AKAP19: variants seen among roughly 807,000 people sequenced by gnomAD.
AKAP19 encodes A-kinase anchoring protein 19, also known as small A-kinase anchoring protein.
chr2:190,057,591 T>C, the AKAP19 span: 1 of 1,613,370 alleles, frequency 6.2e-7, no homozygotes. Context: ...CAAAATCCCT[T>C]CTGGATCTTT....
chr2:190,152,027 A>C, the AKAP19 span, among the ~76,000 whole-genome samples: 1 of 145,536 alleles, frequency 6.9e-6, no homozygotes, highest in Non-Finnish European at 1.5e-5. Flanking sequence ...AAAAAAAAAA[A>C]CAAAGAGAGG....
At chr2:190,049,310 T>C in the AKAP19 span, among the ~76,000 whole-genome samples, 1 of 152,130 alleles carries the variant, frequency 6.6e-6, no homozygotes, top group Non-Finnish European at 1.5e-5. Flanking sequence ...ATAACCTTAC[T>C]TAAAATAAGA....
chr2:190,201,305 T>C, the AKAP19 span: 1 of 166,882 alleles, frequency 6.0e-6, no homozygotes, highest in African/African-American at 2.4e-5. Context: ...TTAAGTACTG[T>C]TTGAAGATCA....
the AKAP19 span, chr2:190,062,340 G>A: frequency 6.2e-7 from 1 of 1,613,272 alleles, no homozygotes; most frequent in South Asian, 1.1e-5. Flanking sequence ...TTCCCGGAGT[G>A]GAGGAGCTTT....
chr2:189,942,681 A>T, the AKAP19 span, among the ~76,000 whole-genome samples: 20 of 152,246 alleles, frequency 1.3e-4, no homozygotes, highest in Non-Finnish European at 2.6e-4. Flanking sequence ...GATATGGACA[A>T]TGAAGTCCAG....
At chr2:190,130,032 A>G in the AKAP19 span, among the ~76,000 whole-genome samples, 1 of 152,210 alleles carries the variant, frequency 6.6e-6, no homozygotes, top group Non-Finnish European at 1.5e-5. Context: ...AAGATGTAGT[A>G]TGTTACAACA....
the AKAP19 span, among the ~76,000 whole-genome samples, chr2:190,049,817 ATG>A: frequency 6.6e-6 from 1 of 152,264 alleles, no homozygotes; most frequent in Non-Finnish European, 1.5e-5. Flanking sequence ...GTAGATAAAT[ATG>A]TGTATAGCAT....
the AKAP19 span, among the ~76,000 whole-genome samples, chr2:190,138,913 G>A: frequency 6.6e-6 from 1 of 152,208 alleles, no homozygotes; most frequent in African/African-American, 2.4e-5. Context: ...TAACCTTTAT[G>A]AGCCTCAATT....
the AKAP19 span, among the ~76,000 whole-genome samples, chr2:190,003,737 G>A: frequency 2.0e-5 from 3 of 151,924 alleles, no homozygotes; most frequent in East Asian, 1.9e-4. Flanking sequence ...GGTGGTACGC[G>A]TCTGTAATCC....
chr2:190,107,756 G>A, the AKAP19 span, among the ~76,000 whole-genome samples: 5 of 152,090 alleles, frequency 3.3e-5, no homozygotes, highest in South Asian at 2.1e-4. Context: ...GCAAAGAAAC[G>A]TAACTAGACA....
At chr2:189,906,164 G>A in the AKAP19 span, among the ~76,000 whole-genome samples, 5 of 152,040 alleles carry the variant, frequency 3.3e-5, no homozygotes, top group African/African-American at 9.7e-5. Flanking sequence ...TAGAAGGGAG[G>A]AAATTGATAT....
chr2:189,985,286 T>A, the AKAP19 span, among the ~76,000 whole-genome samples: 1 of 152,216 alleles, frequency 6.6e-6, no homozygotes, highest in East Asian at 1.9e-4. Flanking sequence ...GTTTGAGCTT[T>A]TTTTTCTGAG....
At chr2:189,899,295 G>C in the AKAP19 span, among the ~76,000 whole-genome samples, 1 of 152,168 alleles carries the variant, frequency 6.6e-6, no homozygotes, top group South Asian at 2.1e-4. Context: ...ATAGCTTAGT[G>C]ATAATGTCAC....
At chr2:190,088,036 C>T in the AKAP19 span, among the ~76,000 whole-genome samples, 1 of 152,078 alleles carries the variant, frequency 6.6e-6, no homozygotes, top group Non-Finnish European at 1.5e-5. Flanking sequence ...GAAAAAATTA[C>T]AGAGATCATC....
At chr2:190,199,664 A>G in the AKAP19 span, 1 of 1,358,314 alleles carries the variant, frequency 7.4e-7, no homozygotes, top group Admixed American at 2.9e-5. Context: ...TGCATTCTGT[A>G]ACTTCAAAAT....
chr2:190,069,175 T>TGA, the AKAP19 span, among the ~76,000 whole-genome samples: 6,254 of 123,342 alleles, frequency 0.051, 236 homozygotes, highest in Non-Finnish European at 0.069. Flanking sequence ...TGTGTGTGTG[T>TGA]GAGAGAGAGA....
At chr2:190,190,439 C>T in the AKAP19 span, among the ~76,000 whole-genome samples, 1 of 152,102 alleles carries the variant, frequency 6.6e-6, no homozygotes, top group African/African-American at 2.4e-5. Context: ...ATTTGTTTAT[C>T]CATTTGATTT....
chr2:190,075,226 A>T, the AKAP19 span, among the ~76,000 whole-genome samples: 1 of 152,210 alleles, frequency 6.6e-6, no homozygotes, highest in Non-Finnish European at 1.5e-5. Flanking sequence ...ACTGGTTTCT[A>T]ACTTCTGTTG....
the AKAP19 span, among the ~76,000 whole-genome samples, chr2:189,995,414 T>G: frequency 6.6e-6 from 1 of 152,346 alleles, no homozygotes; most frequent in Admixed American, 6.5e-5. Context: ...GTCTGTTTTG[T>G]CTGATTTAAG....
Sources: gnomAD v4.1 joint callset for allele counts (sites outside exome capture counted in the v4.1 genomes callset) on GRCh38, gnomAD v4.1.1 for gene constraint, MANE v1.5 for transcripts, NCBI Gene and HGNC (gene_info 2026-07-23, HGNC 2026-07-21) for gene names.